Variants in JMJD1C observed in about 807,000 individuals in gnomAD.
The protein encoded by JMJD1C is jumonji domain containing 1C, also known as jumonji domain-containing protein 1C.
In JMJD1C, 31 loss-of-function variants were observed where a neutral mutation model predicts 245.3. The observed-to-expected ratio is 0.13, with a 90% CI of 0.09 to 0.17. The LOEUF (loss-of-function observed/expected upper bound fraction) is 0.17. Ranked by LOEUF, JMJD1C falls within the 10% of genes least tolerant of loss-of-function variation. JMJD1C has a pLI of 1.00. For synonymous variants in JMJD1C, 1,057 were observed against 1,017.4 expected, an observed-to-expected ratio of 1.04 and a Z score of -0.74; for missense variants, 2,691 against 3,000.2, an observed-to-expected ratio of 0.90 and a Z score of 2.41.
intron 2 of JMJD1C, among the ~76,000 whole-genome samples, chr10:63,270,468 CTCT>C (rs917138816): frequency 5.9e-5 from 9 of 151,816 alleles, no homozygotes; most frequent in Non-Finnish European, 8.8e-5. Flanking sequence ...TGTGTCCAGC[CTCT>C]TCTTTTTTTT....
chr10:63,349,403 T>C (rs1238100918), intron 2 of JMJD1C, among the ~76,000 whole-genome samples: 1 of 152,230 alleles, frequency 6.6e-6, no homozygotes, highest in Non-Finnish European at 1.5e-5. Flanking sequence ...TGCGTTCTCA[T>C]ACACTCTGTG....
chr10:63,170,344 T>C (rs922957717), intron 24 of JMJD1C, among the ~76,000 whole-genome samples: 1 of 152,210 alleles, frequency 6.6e-6, no homozygotes, highest in African/African-American at 2.4e-5. Context: ...TGTTGAAAAC[T>C]GGGCATCTGA....
At chr10:63,423,690 CCATGTTTAG>C (rs1331102926) in intron 1 of JMJD1C, among the ~76,000 whole-genome samples, 1 of 152,140 alleles carries the variant, frequency 6.6e-6, no homozygotes, top group Admixed American at 6.5e-5. Flanking sequence ...TATGGTAATT[CCATGTTTAG>C]CTTTTCGAGG....
intron 1 of JMJD1C, among the ~76,000 whole-genome samples, chr10:63,441,732 A>C (rs2132933846): frequency 6.6e-6 from 1 of 152,244 alleles, no homozygotes; most frequent in Middle Eastern, 3.4e-3. Context: ...AGTGAAAAAA[A>C]CCCTGACTTT....
At position 63,362,591 on chromosome 10, in the gene JMJD1C, C is replaced by T. The variant is rs528294308; in HGVS notation, c.333+17727G>A. On this transcript the variant is annotated intron_variant, in intron 2 of 25. Coordinates refer to ENST00000399262, the MANE Select transcript of JMJD1C (RefSeq NM_032776.3). Reference sequence around the variant, plus strand: ...GCCTCCAAGGCTGAAATGATCCTCCCGCCTCAGCCTCCCAAGTAGCTGGGA... The same window carrying T: ...GCCTCCAAGGCTGAAATGATCCTCCTGCCTCAGCCTCCCAAGTAGCTGGGA... Among the ~76,000 whole-genome samples, 19 of 152,050 alleles carry T rather than the reference C, an allele frequency of 1.2e-4. No homozygotes were observed. In the South Asian group the frequency reaches 2.3e-3, roughly 18 times the overall value.
chr10:63,274,799 G>A (rs1856630904), intron 2 of JMJD1C, among the ~76,000 whole-genome samples: 1 of 151,956 alleles, frequency 6.6e-6, no homozygotes, highest in African/African-American at 2.4e-5. Context: ...CCATGCTTTG[G>A]GCCAGGGTAT....
intron 2 of JMJD1C, among the ~76,000 whole-genome samples, chr10:63,279,118 C>T (rs950311693): frequency 3.3e-5 from 5 of 151,652 alleles, no homozygotes; most frequent in East Asian, 3.9e-4. Context: ...GGTGTGTTGG[C>T]GGGCGCCTGT....
chr10:63,505,205 T>C, intron 1 of JMJD1C, among the ~76,000 whole-genome samples: 1 of 150,470 alleles, frequency 6.6e-6, no homozygotes, highest in East Asian at 2.0e-4. Flanking sequence ...TAGTCCCAGC[T>C]ACTAAGGAGG....
chr10:63,199,222 A>G (rs1273009437), intron 11 of JMJD1C, among the ~76,000 whole-genome samples: 1 of 152,136 alleles, frequency 6.6e-6, no homozygotes, highest in African/African-American at 2.4e-5. Flanking sequence ...AATTCTTAAT[A>G]GTTTTATAGG....
intron 24 of JMJD1C, among the ~76,000 whole-genome samples, chr10:63,174,386 T>A (rs1842679742): frequency 6.6e-6 from 1 of 152,014 alleles, no homozygotes; most frequent in Non-Finnish European, 1.5e-5. Flanking sequence ...AATACAACAA[T>A]AGGAATGAAT....
intron 1 of JMJD1C, among the ~76,000 whole-genome samples, chr10:63,500,167 A>G (rs917178855): frequency 2.0e-5 from 3 of 152,210 alleles, no homozygotes; most frequent in African/African-American, 4.8e-5. Context: ...CATGCCTATA[A>G]TCCCAGCACT....
chr10:63,426,378 G>A (rs770864831), intron 1 of JMJD1C, among the ~76,000 whole-genome samples: 2 of 151,786 alleles, frequency 1.3e-5, no homozygotes, highest in Non-Finnish European at 2.9e-5. Context: ...ATTCTTAAAC[G>A]TAAGAGACTG....
At chr10:63,486,154 AAAAAAAAAAAAAAAC>A (rs1311709162) in intron 1 of JMJD1C, among the ~76,000 whole-genome samples, 4,475 of 54,654 alleles carry the variant, frequency 0.082, 243 homozygotes, top group East Asian at 0.42. Context: ...AAAAAAAAAA[AAAAAAAAAAAAAAAC>A]AAAAAACAGA....
intron 2 of JMJD1C, among the ~76,000 whole-genome samples, chr10:63,376,843 C>T (rs1946782493): frequency 6.6e-6 from 1 of 152,126 alleles, no homozygotes; most frequent in South Asian, 2.1e-4. Context: ...AATGGTGCAG[C>T]CACTTGGAAA....
At chr10:63,183,618 A>G (rs375596153) in intron 21 of JMJD1C, 49 bp from the exon 22 acceptor site, 108 of 1,131,812 alleles carry the variant, frequency 9.5e-5, no homozygotes, top group Non-Finnish European at 1.3e-4. Flanking sequence ...TATATATGTA[A>G]TAGCATAATC....
chr10:63,318,509 T>A (rs561867609), intron 2 of JMJD1C, among the ~76,000 whole-genome samples: 3 of 152,324 alleles, frequency 2.0e-5, no homozygotes, highest in Non-Finnish European at 4.4e-5. Context: ...TTTTCTGCCA[T>A]TTCCTTCATT....
At chr10:63,440,386 A>C (rs951632838) in intron 1 of JMJD1C, among the ~76,000 whole-genome samples, 31 of 150,428 alleles carry the variant, frequency 2.1e-4, no homozygotes, top group African/African-American at 6.3e-4. Flanking sequence ...AGAGAGAGAG[A>C]GAGCGCAAGC....
intron 1 of JMJD1C, among the ~76,000 whole-genome samples, chr10:63,381,873 T>A (rs548296929): frequency 1.4e-4 from 22 of 152,132 alleles, no homozygotes; most frequent in Non-Finnish European, 1.9e-4. Context: ...AATAATGATG[T>A]CTGTACTGAT....
chr10:63,205,464 A>G (rs1846490564), intron 10 of JMJD1C, among the ~76,000 whole-genome samples: 1 of 152,228 alleles, frequency 6.6e-6, no homozygotes, highest in East Asian at 1.9e-4. Context: ...AAGTTCCAAA[A>G]AAACAAAACT....
Sources: gnomAD v4.1 joint callset for allele counts (sites outside exome capture counted in the v4.1 genomes callset) on GRCh38, gnomAD v4.1.1 for gene constraint, MANE v1.5 for transcripts, NCBI Gene and HGNC (gene_info 2026-07-23, HGNC 2026-07-21) for gene names.